Variants in GNAQ observed in about 807,000 individuals in gnomAD.
GNAQ encodes the protein guanine nucleotide-binding protein G(q) subunit alpha.
In GNAQ, 8 loss-of-function variants were observed where a neutral mutation model predicts 43.9. That is an observed-to-expected ratio of 0.18 (90% CI 0.11 to 0.33). GNAQ has a LOEUF of 0.33. Ranked by LOEUF, GNAQ falls within the 10% of genes least tolerant of loss-of-function variation. The probability of loss-of-function intolerance (pLI) is 1.00; values close to 1 mark genes in which losing one functional copy is unlikely to be tolerated. For missense variants in GNAQ, 158 were observed against 450.8 expected (o/e 0.35, Z 5.88); for synonymous variants, 155 against 170.7 (o/e 0.91, Z 0.71).
chr9:77,888,568 G>T (rs1828347860), intron 2 of GNAQ, among the ~76,000 whole-genome samples: 1 of 152,130 alleles, frequency 6.6e-6, no homozygotes, highest in African/African-American at 2.4e-5. Context: ...CTCAGGACAA[G>T]ATGAACTTTT....
At chr9:78,012,296 G>A (rs1441157899) in intron 1 of GNAQ, among the ~76,000 whole-genome samples, 1 of 144,426 alleles carries the variant, frequency 6.9e-6, no homozygotes, top group Non-Finnish European at 1.5e-5. Flanking sequence ...GGAGTGCAAT[G>A]GCACAATCTC....
chr9:77,930,995 T>C (rs1006580030), intron 1 of GNAQ, among the ~76,000 whole-genome samples: 2 of 151,854 alleles, frequency 1.3e-5, no homozygotes, highest in African/African-American at 4.8e-5. Flanking sequence ...AGGTTACATG[T>C]TCCTTGTAAG....
chr9:77,891,292 T>C (rs948373866), intron 2 of GNAQ, among the ~76,000 whole-genome samples: 1 of 152,204 alleles, frequency 6.6e-6, no homozygotes, highest in Non-Finnish European at 1.5e-5. Flanking sequence ...CTTGCTCTCT[T>C]TCGTAGCAGC....
At chr9:77,884,249 G>A (rs1828264439) in intron 2 of GNAQ, among the ~76,000 whole-genome samples, 2 of 152,202 alleles carry the variant, frequency 1.3e-5, no homozygotes, top group South Asian at 4.1e-4. Flanking sequence ...CTTCTGGCAA[G>A]CCCCTGTGGG....
At chr9:78,023,771 T>C (rs2118611824) in intron 1 of GNAQ, among the ~76,000 whole-genome samples, 1 of 152,328 alleles carries the variant, frequency 6.6e-6, no homozygotes, top group South Asian at 2.1e-4. Context: ...TTCATGATTT[T>C]AGTTTTCCAA....
At chr9:77,854,803 GA>G (rs1451837301) in intron 2 of GNAQ, among the ~76,000 whole-genome samples, 1 of 152,198 alleles carries the variant, frequency 6.6e-6, no homozygotes, top group Admixed American at 6.5e-5. Flanking sequence ...TGCTATGCAG[GA>G]CAATGGTATC....
chr9:77,890,315 C>T (rs547142639), intron 2 of GNAQ, among the ~76,000 whole-genome samples: 13 of 152,284 alleles, frequency 8.5e-5, no homozygotes, highest in African/African-American at 2.6e-4. Flanking sequence ...AGCCATCTGG[C>T]ATTACTTAAG....
intron 5 of GNAQ, among the ~76,000 whole-genome samples, chr9:77,744,972 T>G (rs946114570): frequency 1.3e-5 from 2 of 152,100 alleles, no homozygotes; most frequent in African/African-American, 4.8e-5. Context: ...CTGCCAAATA[T>G]ATGGTATCGG....
intron 2 of GNAQ, among the ~76,000 whole-genome samples, chr9:77,845,888 TAAAG>T (rs1827576096): frequency 6.6e-6 from 1 of 152,174 alleles, no homozygotes; most frequent in South Asian, 2.1e-4. Context: ...CACCGTCAAC[TAAAG>T]AAAGAGTTGT....
At chr9:77,956,118 T>C (rs1406478388) in intron 1 of GNAQ, among the ~76,000 whole-genome samples, 4 of 152,226 alleles carry the variant, frequency 2.6e-5, no homozygotes, top group Non-Finnish European at 4.4e-5. Flanking sequence ...GCACTTTCTA[T>C]TTACCAGGAC....
intron 2 of GNAQ, among the ~76,000 whole-genome samples, chr9:77,846,945 C>T (rs1827595885): frequency 6.6e-6 from 1 of 152,110 alleles, no homozygotes; most frequent in Non-Finnish European, 1.5e-5. Context: ...GACTTTTGCC[C>T]CTGGGACCCA....
intron 1 of GNAQ, among the ~76,000 whole-genome samples, chr9:78,014,173 T>C (rs951367716): frequency 6.6e-6 from 1 of 151,892 alleles, no homozygotes; most frequent in Admixed American, 6.6e-5. Flanking sequence ...AAGGAAATAA[T>C]GGAGGAGGAA....
At chr9:77,758,373 C>T (rs1825936542) in intron 5 of GNAQ, among the ~76,000 whole-genome samples, 1 of 152,140 alleles carries the variant, frequency 6.6e-6, no homozygotes, top group Admixed American at 6.5e-5. Flanking sequence ...TATTCTAAAA[C>T]ATCATCAAAT....
At chr9:77,984,077 T>C (rs1316429748) in intron 1 of GNAQ, among the ~76,000 whole-genome samples, 1 of 66,448 alleles carries the variant, frequency 1.5e-5, no homozygotes, top group Non-Finnish European at 2.8e-5. Context: ...AAAAAAAAAA[T>C]CACCTAGATG....
At chr9:77,869,810 G>A (rs1828007329) in intron 2 of GNAQ, among the ~76,000 whole-genome samples, 1 of 152,080 alleles carries the variant, frequency 6.6e-6, no homozygotes, top group South Asian at 2.1e-4. Context: ...CCACTCCCCA[G>A]TCCTCAAAAG....
chr9:77,895,485 A>C (rs1485227653), intron 2 of GNAQ, among the ~76,000 whole-genome samples: 1 of 152,102 alleles, frequency 6.6e-6, no homozygotes, highest in African/African-American at 2.4e-5. Flanking sequence ...GGTTAGAGGA[A>C]GCCTCAGAGC....
At chr9:77,739,639 G>C (rs142459451) in intron 5 of GNAQ, among the ~76,000 whole-genome samples, 146 of 152,274 alleles carry the variant, frequency 9.6e-4, no homozygotes, top group African/African-American at 3.4e-3. Context: ...CTTAAAGTCA[G>C]CTCAGTTTAT....
intron 1 of GNAQ, among the ~76,000 whole-genome samples, chr9:77,944,295 G>T (rs190160578): frequency 1.4e-4 from 21 of 151,102 alleles, no homozygotes; most frequent in African/African-American, 4.9e-4. Context: ...TTCCAGTGGG[G>T]CTCACAAATC....
intron 3 of GNAQ, among the ~76,000 whole-genome samples, chr9:77,811,705 C>G (rs75203659): frequency 7.9e-5 from 12 of 152,276 alleles, no homozygotes; most frequent in African/African-American, 2.9e-4. Context: ...AAAGTGCTCA[C>G]TACTAAGACG....
Sources: gnomAD v4.1 joint callset for allele counts (sites outside exome capture counted in the v4.1 genomes callset) on GRCh38, gnomAD v4.1.1 for gene constraint, MANE v1.5 for transcripts, NCBI Gene and HGNC (gene_info 2026-07-23, HGNC 2026-07-21) for gene names.